QKI: variants seen among roughly 807,000 people sequenced by gnomAD.
QKI encodes the protein QKI, KH domain containing RNA binding, also known as KH domain-containing RNA-binding protein QKI.
QKI carries 10 observed loss-of-function variants against 39.0 expected under a neutral mutation model. The observed-to-expected ratio is 0.26, with a 90% CI of 0.16 to 0.43. The LOEUF is 0.43. QKI is among the 20% of genes least tolerant of loss of function. The pLI, the probability that QKI is intolerant of heterozygous loss-of-function variation, is 1.00. For synonymous variants in QKI, 204 were observed against 155.4 expected (o/e 1.31, Z -2.33); for missense variants, 218 against 428.0 (o/e 0.51, Z 4.33).
At chr6:163,419,304 A>T (rs1395597689) in intron 1 of QKI, among the ~76,000 whole-genome samples, 2 of 149,730 alleles carry the variant, frequency 1.3e-5, no homozygotes, top group African/African-American at 2.5e-5. Context: ...TCTTACCATA[A>T]TTTTTTTTTT....
At position 163,414,821 on chromosome 6, in the gene QKI, G is replaced by T; in HGVS notation, c.-373G>T. The stretch of plus-strand genomic sequence containing the variant: ...GGCGGCGGCGGCGCTGAGCGGGCTC[G>T]ACCAGCCGAGCGAGCGGCGGCCCCG... On this transcript the variant is annotated 5_prime_UTR_variant, in exon 1 of 8. Coordinates refer to ENST00000361752, the MANE Select transcript of QKI (RefSeq NM_006775.3). The T allele has an allele frequency of 6.9e-6, 1 of 144,172 alleles. No homozygotes were observed. Among genetic ancestry groups the T allele is most frequent in the South Asian group, 2.1e-4 (1 of 4,760 alleles). 8.9% of individuals were successfully genotyped at this position (144,172 alleles called of 1,614,324 possible). A position where few individuals can be genotyped will look rare whatever the true frequency, so the allele number is the denominator to read the frequency against.
chr6:163,537,707 C>T (rs557852311), intron 4 of QKI, among the ~76,000 whole-genome samples: 9 of 152,256 alleles, frequency 5.9e-5, no homozygotes, highest in Non-Finnish European at 1.0e-4. Context: ...TGAAAAACAC[C>T]AAGTTCAGTC....
chr6:163,566,483 G>A, intron 6 of QKI: 2 of 1,338,530 alleles, frequency 1.5e-6, no homozygotes, highest in Non-Finnish European at 9.6e-7. Context: ...CTTGGGGATT[G>A]TAAATGAATG....
chr6:163,540,556 G>A (rs1459467619), intron 4 of QKI, among the ~76,000 whole-genome samples: 2 of 152,150 alleles, frequency 1.3e-5, no homozygotes, highest in East Asian at 3.8e-4. Context: ...ACTCAGAGAA[G>A]CTTGAGCATT....
chr6:163,416,624 TA>T (rs1476843609), intron 1 of QKI: 1 of 152,150 alleles, frequency 6.6e-6, no homozygotes, highest in African/African-American at 2.4e-5. Flanking sequence ...GTTTCCATGA[TA>T]AAAAATGGTT....
chr6:163,416,875 C>T (rs1226603136), intron 1 of QKI, among the ~76,000 whole-genome samples: 2 of 149,122 alleles, frequency 1.3e-5, no homozygotes, highest in Admixed American at 6.7e-5. Context: ...TTTGTGTTGG[C>T]ATTTGAAAGA....
chr6:163,492,825 G>A (rs1190017888), intron 3 of QKI, among the ~76,000 whole-genome samples: 1 of 152,128 alleles, frequency 6.6e-6, no homozygotes, highest in Non-Finnish European at 1.5e-5. Context: ...ATATTATCAA[G>A]TGTTACAACA....
At chr6:163,540,986 T>C (rs1781469212) in intron 4 of QKI, among the ~76,000 whole-genome samples, 1 of 152,030 alleles carries the variant, frequency 6.6e-6, no homozygotes, top group African/African-American at 2.4e-5. Context: ...TTTTTTTCTG[T>C]TTTATTGATA....
chr6:163,434,467 G>A (rs1319253037), intron 1 of QKI, among the ~76,000 whole-genome samples: 1 of 152,102 alleles, frequency 6.6e-6, no homozygotes, highest in Admixed American at 6.6e-5. Flanking sequence ...ATTAATCTTG[G>A]CACTTTGGGA....
Position 163,565,338 on chromosome 6 carries a change from G to T in QKI, c.935-1383G>T, listed in dbSNP as rs186445844. On this transcript the variant is annotated intron_variant, in intron 6 of 7. Transcript: ENST00000361752. ...GAGGAGTTATGACTCTTGACTTCCTGCAGGGCTGGGGCTCTTAGCCACCAG... is the reference window on the plus strand; with the variant it reads ...GAGGAGTTATGACTCTTGACTTCCTTCAGGGCTGGGGCTCTTAGCCACCAG... 5.0e-5 allele frequency: 49 copies of T among 986,238 alleles called. 1 individual carries two copies. The East Asian group carries it at 4.6e-3, about 93-fold the overall frequency. The allele number at this position is 986,238 out of a possible 1,614,324, so 61.1% of individuals were successfully genotyped here. A position where few individuals can be genotyped will look rare whatever the true frequency, so the allele number is the denominator to read the frequency against.
rs370109734 is a variant in QKI, at chr6:163,541,868, A to G, written c.546+6743A>G. ...AAGCAGTATGGCCTACTTGCCTTAG[A>G]GAGACTTTGTAAAGGTAGTAATTAT... On this transcript the variant is annotated intron_variant, in intron 4 of 7. Transcript: ENST00000361752. Among the ~76,000 whole-genome samples the G allele has an allele frequency of 7.2e-5, 11 of 152,026 alleles. No individual in the cohort carries two copies. In the South Asian group the frequency reaches 1.0e-3, roughly 14 times the overall value.
intron 1 of QKI, among the ~76,000 whole-genome samples, chr6:163,450,576 A>C (rs1477344694): frequency 6.8e-6 from 1 of 146,016 alleles, no homozygotes; most frequent in African/African-American, 2.8e-5. Context: ...CACATAAAAC[A>C]GAACTGTGCA....
intron 1 of QKI, among the ~76,000 whole-genome samples, chr6:163,415,764 T>G (rs1031564158): frequency 2.6e-5 from 4 of 151,862 alleles, no homozygotes; most frequent in Admixed American, 1.3e-4. Flanking sequence ...GCCCCGCTCC[T>G]CCGCTCGGCC....
intron 3 of QKI, among the ~76,000 whole-genome samples, chr6:163,504,949 C>T (rs189692154): frequency 6.6e-6 from 1 of 152,306 alleles, no homozygotes; most frequent in East Asian, 1.9e-4. Context: ...ACTGCTTACA[C>T]TTCTTTGCCT....
intron 2 of QKI, among the ~76,000 whole-genome samples, chr6:163,466,796 G>A (rs1349509606): frequency 6.6e-6 from 1 of 151,932 alleles, no homozygotes. Flanking sequence ...AATTATAAAG[G>A]TATTTGATAC....
At chr6:163,465,082 C>A (rs76288617) in intron 2 of QKI, among the ~76,000 whole-genome samples, 3,175 of 152,142 alleles carry the variant, frequency 0.021, 56 homozygotes, top group Non-Finnish European at 0.032. Flanking sequence ...AAAATAAAAA[C>A]CATAAGATCA....
chr6:163,527,573 T>C (rs993024790), intron 3 of QKI, among the ~76,000 whole-genome samples: 3 of 152,190 alleles, frequency 2.0e-5, no homozygotes, highest in Admixed American at 1.3e-4. Context: ...TATACTCTAA[T>C]GCTTCATGTT....
At chr6:163,515,430 G>T (rs1013193401) in intron 3 of QKI, among the ~76,000 whole-genome samples, 5 of 152,020 alleles carry the variant, frequency 3.3e-5, no homozygotes, top group South Asian at 2.1e-4. Flanking sequence ...GATATTCACT[G>T]CAGGATTGTT....
chr6:163,558,038 C>T (rs542634906), intron 4 of QKI, among the ~76,000 whole-genome samples: 6 of 152,300 alleles, frequency 3.9e-5, no homozygotes, highest in South Asian at 2.1e-4. Flanking sequence ...TGTTCTGTCT[C>T]TGTAGAGTTG....
Sources: allele counts gnomAD v4.1 joint callset (sites outside exome capture counted in the v4.1 genomes callset), GRCh38; gene constraint gnomAD v4.1.1; transcripts MANE v1.5; gene names NCBI Gene and HGNC (gene_info 2026-07-23, HGNC 2026-07-21).